Variants in ADGRG1 observed in about 807,000 individuals in gnomAD.
The protein encoded by ADGRG1 is 7-transmembrane protein with no EGF-like N-terminal domains-1.
Under a neutral mutation model 73.5 loss-of-function variants are expected in ADGRG1, and 53 were observed. That is an observed-to-expected ratio of 0.72 (90% CI 0.58 to 0.91). The LOEUF (loss-of-function observed/expected upper bound fraction) is 0.91. ADGRG1 is among the 40% of genes least tolerant of loss of function. The pLI, the probability that ADGRG1 is intolerant of heterozygous loss-of-function variation, is 0.00. For synonymous variants in ADGRG1, 394 were observed against 374.4 expected, an observed-to-expected ratio of 1.05 and a Z score of -0.60; for missense variants, 795 against 871.8, an observed-to-expected ratio of 0.91 and a Z score of 1.11.
At chr16:57,646,082 T>C (rs1597379085) in intron 1 of ADGRG1, 1 of 152,266 alleles carries the variant, frequency 6.6e-6, no homozygotes, top group Non-Finnish European at 1.5e-5. Flanking sequence ...GCCAGGTTCG[T>C]GGGTCTTCCC....
chr16:57,632,663 G>C (rs2038294537), intron 1 of ADGRG1: 1 of 465,566 alleles, frequency 2.1e-6, no homozygotes, highest in Non-Finnish European at 2.8e-6. Context: ...GCTTTGGTGA[G>C]GAGGCCAGTG....
chr16:57,628,933 A>AGAGT (rs1555531078), intron 1 of ADGRG1, 131 bp downstream of exon 1: 14,619 of 678,250 alleles, frequency 0.022, 433 homozygotes, highest in African/African-American at 0.096. Context: ...TGTGAGTGTG[A>AGAGT]GTGTGAGCGT....
In ADGRG1 at chr16:57,663,534, C is replaced by T. The variant is rs145354323; in HGVS notation, c.2016C>T (p.Ser672=). 1.3e-4 allele frequency: 203 copies of T among 1,613,898 alleles called. 1 individual carries two copies. The East Asian group carries it at 3.1e-3, about 24-fold the overall frequency. ...CCCCTCTGAAGAGCAACTCAGACAG[C>T]GCCAGGCTCCCCATCAGCTCGGGCA... The part of the protein sequence containing the change: ...GPSPLKSNSD[S]ARLPISSGST... Residue 672 remains serine (S), a synonymous_variant, in exon 14 of 14, where the codon AGC becomes AGT. Transcript: ENST00000562631.
chr16:57,633,037 C>T (rs568279367), intron 1 of ADGRG1: 46 of 803,804 alleles, frequency 5.7e-5, no homozygotes, highest in Non-Finnish European at 6.5e-5. Context: ...CCTCCTAGTA[C>T]CCCCAGCCTG....
At chr16:57,652,868 G>C in intron 3 of ADGRG1, 2 of 1,164,802 alleles carry the variant, frequency 1.7e-6, no homozygotes, top group Non-Finnish European at 2.1e-6. Flanking sequence ...CCACCACCAA[G>C]CCCCGCACAT....
chr16:57,622,774 C>T (rs551914238), upstream of ADGRG1: 7 of 985,246 alleles, frequency 7.1e-6, no homozygotes, highest in East Asian at 2.3e-4. Flanking sequence ...GAAGACGGGG[C>T]GGCCACACTG....
At position 57,663,996 on chromosome 16, in the gene ADGRG1, G is replaced by T. The variant is rs376945009; in HGVS notation, c.*414G>T. The T allele has an allele frequency of 1.0e-4, 27 of 268,268 alleles. No individual in the cohort carries two copies. In the East Asian group the frequency reaches 1.8e-3, roughly 18 times the overall value. The allele number at this position is 268,268 out of a possible 1,614,324, so 16.6% of individuals were successfully genotyped here. On this transcript the variant is annotated 3_prime_UTR_variant, in exon 14 of 14. Transcript: ENST00000562631. ...ACAGAAATGTGGCTCCAGTTGCTCTGTCTCTCGTGGTCACCCTGAGGGCAC... is the reference window on the plus strand; with the variant it reads ...ACAGAAATGTGGCTCCAGTTGCTCTTTCTCTCGTGGTCACCCTGAGGGCAC...
chr16:57,655,988 A>AGCC lies in ADGRG1; in HGVS notation c.1015_1017dup (p.Pro339dup). ...GTGCTCACTTTCCAGCACCAGCTAC[A>AGCC]GCCGGTGAGTGGGGGCCAGCCATCA... On this transcript the variant is annotated inframe_insertion, in exon 7 of 14. Coordinates refer to ENST00000562631, the MANE Select transcript of ADGRG1 (RefSeq NM_201525.4). 6.2e-7 allele frequency: 1 copy of AGCC among 1,614,030 alleles called. No individual in the cohort carries two copies. Among genetic ancestry groups the AGCC allele is most frequent in the Non-Finnish European group, 8.5e-7 (1 of 1,180,020 alleles).
intron 1 of ADGRG1, chr16:57,632,676 G>A (rs2038299671): frequency 3.4e-6 from 2 of 580,474 alleles, no homozygotes; most frequent in Non-Finnish European, 4.3e-6. Context: ...GGCCAGTGTG[G>A]TGGGCGTCGG....
intron 1 of ADGRG1, chr16:57,630,827 G>A (rs1449482734): frequency 2.5e-6 from 1 of 405,934 alleles, no homozygotes; most frequent in Non-Finnish European, 3.3e-6. Context: ...ACTGTAGGGG[G>A]AGTCCTAGTG....
At chr16:57,644,647 C>G (rs1330479954) in intron 1 of ADGRG1, among the ~76,000 whole-genome samples, 1 of 147,096 alleles carries the variant, frequency 6.8e-6, no homozygotes, top group African/African-American at 2.5e-5. Flanking sequence ...CATGCATGGG[C>G]ACGCACACTC....
chr16:57,632,152 A>T, intron 1 of ADGRG1: 1 of 985,450 alleles, frequency 1.0e-6, no homozygotes, highest in Non-Finnish European at 1.2e-6. Flanking sequence ...GCAACCCCAC[A>T]TCTTTGGGGA....
intron 13 of ADGRG1, among the ~76,000 whole-genome samples, chr16:57,662,352 G>A (rs2148623429): frequency 6.6e-6 from 1 of 152,290 alleles, no homozygotes; most frequent in South Asian, 2.1e-4. Flanking sequence ...AGGGTGGCCA[G>A]GGAGGCCTCT....
chr16:57,633,644 G>A (rs1182903162), intron 1 of ADGRG1: 4 of 326,366 alleles, frequency 1.2e-5, no homozygotes, highest in African/African-American at 9.0e-5. Context: ...CTTCCTAATT[G>A]TAAACATGAG....
chr16:57,626,179 C>A (rs930246616), upstream of ADGRG1, among the ~76,000 whole-genome samples: 1 of 152,156 alleles, frequency 6.6e-6, no homozygotes, highest in Admixed American at 6.5e-5. Flanking sequence ...AGCTGTGCGA[C>A]CTTGGCTAAG....
Position 57,632,897 on chromosome 16 carries a change from G to C in ADGRG1, c.-36+4095G>C, listed in dbSNP as rs537144358. On this transcript the variant is annotated intron_variant, in intron 1 of 13. Coordinates refer to ENST00000562631, the MANE Select transcript of ADGRG1 (RefSeq NM_201525.4). Reference sequence around the variant, plus strand: ...ACCCTGGTGGCCTGAAAAGTTCTGCGGTGAATGGCTCTGGCTTGGCTTCCC... The same window carrying C: ...ACCCTGGTGGCCTGAAAAGTTCTGCCGTGAATGGCTCTGGCTTGGCTTCCC... 1,286 of 985,424 alleles carry C rather than the reference G, an allele frequency of 1.3e-3. 1 individual carries two copies. Among genetic ancestry groups the C allele is most frequent in the Non-Finnish European group, 1.5e-3 (1,225 of 829,918 alleles). 61.0% of individuals were successfully genotyped at this position (985,424 alleles called of 1,614,324 possible). A position where few individuals can be genotyped will look rare whatever the true frequency, so the allele number is the denominator to read the frequency against.
chr16:57,636,755 A>G (rs4522409), intron 1 of ADGRG1: 23,297 of 942,498 alleles, frequency 0.025, 309 homozygotes, highest in Non-Finnish European at 0.027. Flanking sequence ...GGGATCTTCT[A>G]TGGACCAGGC....
chr16:57,620,913 C>T (rs2034666887), exon 1 of ADGRG1: 1 of 152,454 alleles, frequency 6.6e-6, no homozygotes, highest in South Asian at 2.1e-4. Context: ...GGGCCAGGCT[C>T]CCCTGCTGTC....
chr16:57,628,937 TGAGCGTGA>T lies in ADGRG1; in HGVS notation c.-36+139_-36+146del, dbSNP rs777613536. 797 of 774,798 alleles carry T rather than the reference TGAGCGTGA, an allele frequency of 1.0e-3. 17 individuals carry two copies. The highest frequency in any genetic ancestry group is 1.3e-3 in the Middle Eastern group (2 of 1,492). 48.0% of individuals were successfully genotyped at this position (774,798 alleles called of 1,614,324 possible). A position where few individuals can be genotyped will look rare whatever the true frequency, so the allele number is the denominator to read the frequency against. ...GTGAGAGTGAGTGTGAGTGTGAGTG[TGAGCGTGA>T]GAGTGTGAGAGTGTGTGAGTGTGAG... On this transcript the variant is annotated intron_variant, in intron 1 of 13. Transcript: ENST00000562631.
Sources: allele counts gnomAD v4.1 joint callset (sites outside exome capture counted in the v4.1 genomes callset), GRCh38; gene constraint gnomAD v4.1.1; transcripts MANE v1.5; gene names NCBI Gene and HGNC (gene_info 2026-07-23, HGNC 2026-07-21).